The following STMN2 variants were observed in gnomAD, a reference collection of about 807,000 sequenced individuals.
The protein encoded by STMN2 is stathmin-2.
STMN2 carries 2 observed loss-of-function variants against 24.1 expected under a neutral mutation model. The observed-to-expected ratio is 0.08, with a 90% CI of 0.03 to 0.26. The LOEUF is 0.26. STMN2 is among the 10% of genes least tolerant of loss of function. The pLI is 1.00. For synonymous variants in STMN2, 83 were observed against 77.5 expected (o/e 1.07, Z -0.37); for missense variants, 114 against 213.6 (o/e 0.53, Z 2.91).
intron 1 of STMN2, among the ~76,000 whole-genome samples, chr8:79,619,496 C>T (rs554762722): frequency 3.3e-5 from 5 of 152,144 alleles, no homozygotes; most frequent in South Asian, 2.1e-4. Context: ...CTAACTCACA[C>T]GAAACAACCC....
At chr8:79,618,611 G>T (rs1207813760) in intron 1 of STMN2, among the ~76,000 whole-genome samples, 1 of 152,154 alleles carries the variant, frequency 6.6e-6, no homozygotes, top group African/African-American at 2.4e-5. Flanking sequence ...TGAATCCCTT[G>T]TGAAACATTT....
intron 3 of STMN2, among the ~76,000 whole-genome samples, chr8:79,642,424 T>C (rs907225805): frequency 1.3e-5 from 2 of 152,214 alleles, no homozygotes; most frequent in Non-Finnish European, 2.9e-5. Context: ...AAAATGGAAT[T>C]CTTTTATGTA....
At position 79,630,017 on chromosome 8, in the gene STMN2, G is replaced by A. The variant is rs906696587; in HGVS notation, c.20-6785G>A. 5.9e-5 allele frequency among the ~76,000 whole-genome samples: 9 copies of A among 152,254 alleles called. No homozygotes were observed. The East Asian group carries it at 1.4e-3, about 23-fold the overall frequency. On this transcript the variant is annotated intron_variant, in intron 1 of 4. Transcript: ENST00000220876. ...GAACTTTTAATTCCTTAGATTGATAGAGGAATTAAATCATGATATAACTAA... is the reference window on the plus strand; with the variant it reads ...GAACTTTTAATTCCTTAGATTGATAAAGGAATTAAATCATGATATAACTAA...
intron 2 of STMN2, among the ~76,000 whole-genome samples, chr8:79,640,450 A>C (rs373243529): frequency 8.5e-6 from 1 of 117,266 alleles, no homozygotes; most frequent in Non-Finnish European, 2.1e-5. Context: ...ATTTCCCCCA[A>C]CTTTTTTAAG....
In STMN2 at chr8:79,612,125, G is replaced by A. The variant is rs183547753; in HGVS notation, c.19+911G>A. 7.4e-4 allele frequency among the ~76,000 whole-genome samples: 110 copies of A among 147,680 alleles called. 2 individuals are homozygous for A. The East Asian group carries it at 0.021, about 28-fold the overall frequency. On this transcript the variant is annotated intron_variant, in intron 1 of 4. Coordinates refer to ENST00000220876, the MANE Select transcript of STMN2 (RefSeq NM_007029.4). ...GAAAGGGGGTCGGGTGGGGAGCGCA[G>A]CGTGACACCCAGGAGCCCAACCCTG...
intron 4 of STMN2, among the ~76,000 whole-genome samples, chr8:79,655,575 G>C (rs1027785147): frequency 7.2e-5 from 11 of 152,068 alleles, no homozygotes; most frequent in African/African-American, 2.7e-4. Context: ...CATCACATGG[G>C]ACCATAGCAA....
At chr8:79,649,502 C>A (rs141236360) in intron 3 of STMN2, among the ~76,000 whole-genome samples, 1 of 152,232 alleles carries the variant, frequency 6.6e-6, no homozygotes, top group Admixed American at 6.5e-5. Flanking sequence ...CATATTTCAA[C>A]AGGACATTAT....
In STMN2 at chr8:79,630,522, A is replaced by G. The variant is rs550056714; in HGVS notation, c.20-6280A>G. Among the ~76,000 whole-genome samples, 462 of 152,350 alleles carry G rather than the reference A, an allele frequency of 3.0e-3. 2 individuals are homozygous for G. Among genetic ancestry groups the G allele is most frequent in the African/African-American group, 0.01 (429 of 41,580 alleles). On this transcript the variant is annotated intron_variant, in intron 1 of 4. Transcript: ENST00000220876. ...GACCAAAACATTTGTGACTCTGGAC[A>G]TTGGCCCCACAAATGCGATAAACAT...
chr8:79,650,942 AT>A (rs1391318955), intron 3 of STMN2, among the ~76,000 whole-genome samples: 2 of 152,210 alleles, frequency 1.3e-5, no homozygotes, highest in Non-Finnish European at 2.9e-5. Context: ...CTGTCTCTAA[AT>A]TTAAAAAAAA....
chr8:79,624,176 T>A (rs893254383), intron 1 of STMN2, among the ~76,000 whole-genome samples: 1 of 151,956 alleles, frequency 6.6e-6, no homozygotes, highest in Admixed American at 6.6e-5. Context: ...ATAAGGAGGC[T>A]GGGCGTGGTG....
At chr8:79,641,667 CACACAT>C (rs1212315800) in intron 3 of STMN2, 117 bp downstream of exon 3, 124 of 776,178 alleles carry the variant, frequency 1.6e-4, no homozygotes, top group South Asian at 8.8e-4. Flanking sequence ...CACACACACA[CACACAT>C]ACAGAGAGCA....
chr8:79,638,420 T>C (rs374438081), intron 2 of STMN2, among the ~76,000 whole-genome samples: 47 of 152,332 alleles, frequency 3.1e-4, no homozygotes, highest in African/African-American at 1.0e-3. Flanking sequence ...TCCATAATTT[T>C]TATTGAGCTG....
intron 3 of STMN2, among the ~76,000 whole-genome samples, chr8:79,653,274 A>G (rs1379126450): frequency 6.6e-6 from 1 of 152,134 alleles, no homozygotes; most frequent in East Asian, 1.9e-4. Context: ...CTACTCAGGA[A>G]GCTGAGACAT....
intron 1 of STMN2, among the ~76,000 whole-genome samples, chr8:79,622,216 C>T (rs1809530221): frequency 6.6e-6 from 1 of 152,088 alleles, no homozygotes; most frequent in South Asian, 2.1e-4. Context: ...ATAATTTTCT[C>T]AGTTATGAAA....
At chr8:79,638,025 A>C (rs1271622633) in intron 2 of STMN2, among the ~76,000 whole-genome samples, 4 of 152,362 alleles carry the variant, frequency 2.6e-5, no homozygotes, top group African/African-American at 7.2e-5. Context: ...ATTAGAATGC[A>C]GGGCCAATGC....
chr8:79,664,255 T>G (rs1806556671), intron 4 of STMN2, among the ~76,000 whole-genome samples: 1 of 152,204 alleles, frequency 6.6e-6, no homozygotes, highest in Admixed American at 6.5e-5. Flanking sequence ...AGACTAGCAT[T>G]GAAAATTGCA....
chr8:79,620,951 C>T lies in STMN2; in HGVS notation c.19+9737C>T, dbSNP rs147444661. The T allele has an allele frequency of 2.9e-4, 283 of 985,184 alleles. 1 individual carries two copies. The Middle Eastern group carries it at 5.2e-3, about 18-fold the overall frequency. The allele number at this position is 985,184 out of a possible 1,614,324, so 61.0% of individuals were successfully genotyped here. A position where few individuals can be genotyped will look rare whatever the true frequency, so the allele number is the denominator to read the frequency against. On this transcript the variant is annotated intron_variant, in intron 1 of 4. Transcript: ENST00000220876. The stretch of plus-strand genomic sequence containing the variant: ...GATTCAGAACCACACTTGGAGTAGA[C>T]CTAAAACAGCAGTGACCTGTAGGGT...
intron 1 of STMN2, among the ~76,000 whole-genome samples, chr8:79,618,602 G>T (rs1809439083): frequency 6.6e-6 from 1 of 152,196 alleles, no homozygotes; most frequent in Non-Finnish European, 1.5e-5. Flanking sequence ...GGAAGGTTTT[G>T]AATCCCTTGT....
intron 1 of STMN2, among the ~76,000 whole-genome samples, chr8:79,629,948 C>T (rs763460858): frequency 5.9e-5 from 9 of 152,126 alleles, no homozygotes; most frequent in Non-Finnish European, 8.8e-5. Context: ...TACCAGCCTA[C>T]GGAAGTAGAG....
Sources: allele counts gnomAD v4.1 joint callset (sites outside exome capture counted in the v4.1 genomes callset), GRCh38; gene constraint gnomAD v4.1.1; transcripts MANE v1.5; gene names NCBI Gene and HGNC (gene_info 2026-07-23, HGNC 2026-07-21).